BMPR2: variants seen among roughly 807,000 people sequenced by gnomAD.
The protein encoded by BMPR2 is bone morphogenetic protein receptor type-2.
A neutral mutation model predicts 100.8 loss-of-function variants in BMPR2; 29 were observed. The ratio of observed to expected loss-of-function variants is 0.29; its 90% CI spans 0.21 to 0.39. The LOEUF (loss-of-function observed/expected upper bound fraction) is 0.39. Ranked by LOEUF, BMPR2 falls within the 10% of genes least tolerant of loss-of-function variation. The probability of loss-of-function intolerance (pLI) is 1.00; values close to 1 mark genes in which losing one functional copy is unlikely to be tolerated. For synonymous variants in BMPR2, 382 were observed against 442.3 expected, an observed-to-expected ratio of 0.86 and a Z score of 1.71; for missense variants, 1,011 against 1,274.5, an observed-to-expected ratio of 0.79 and a Z score of 3.15.
At chr2:202,383,766 A>G (rs1690354383) in intron 1 of BMPR2, among the ~76,000 whole-genome samples, 1 of 150,944 alleles carries the variant, frequency 6.6e-6, no homozygotes, top group South Asian at 2.1e-4. Context: ...TAGGAGAATC[A>G]CTTGAACCTG....
chr2:202,386,476 A>G (rs1690428682), intron 1 of BMPR2, among the ~76,000 whole-genome samples: 1 of 151,934 alleles, frequency 6.6e-6, no homozygotes, highest in South Asian at 2.1e-4. Context: ...TTCTTATCCA[A>G]TCTGATAGCA....
At chr2:202,477,964 A>G (rs1692584321) in intron 3 of BMPR2, among the ~76,000 whole-genome samples, 1 of 152,036 alleles carries the variant, frequency 6.6e-6, no homozygotes, top group South Asian at 2.1e-4. Context: ...GCTAAAATGT[A>G]TTTGTAACCC....
At chr2:202,389,307 C>G (rs947143200) in intron 1 of BMPR2, among the ~76,000 whole-genome samples, 47 of 152,014 alleles carry the variant, frequency 3.1e-4, no homozygotes, top group African/African-American at 8.0e-4. Flanking sequence ...GCGGGCAGAT[C>G]ATGAGGTCAG....
At chr2:202,554,695 G>C (rs1688532588) in intron 11 of BMPR2, among the ~76,000 whole-genome samples, 1 of 152,138 alleles carries the variant, frequency 6.6e-6, no homozygotes, top group African/African-American at 2.4e-5. Context: ...GACTTTTACT[G>C]ATATGACTCA....
Position 202,518,712 on chromosome 2 carries a change from G to A in BMPR2, c.622-110G>A, listed in dbSNP as rs973259142. The A allele has an allele frequency of 3.8e-5, 35 of 921,584 alleles. No individual in the cohort carries two copies. In the Admixed American group the frequency reaches 6.6e-4, roughly 17 times the overall value. 57.1% of individuals were successfully genotyped at this position (921,584 alleles called of 1,614,324 possible). On this transcript the variant is annotated intron_variant, in intron 5 of 12. Coordinates refer to ENST00000374580, the MANE Select transcript of BMPR2 (RefSeq NM_001204.7). ...TAATTTCTTGATAATGGAATAAACT[G>A]TAAGCAACAGAGAGCTGTAGCATTC...
At chr2:202,552,999 A>G in intron 11 of BMPR2, 111 bp downstream of exon 11, 1 of 1,314,484 alleles carries the variant, frequency 7.6e-7, no homozygotes. Flanking sequence ...TGATTACCTC[A>G]TACAATCTAA....
At chr2:202,416,297 C>G (rs1403351632) in intron 1 of BMPR2, among the ~76,000 whole-genome samples, 4 of 151,068 alleles carry the variant, frequency 2.6e-5, no homozygotes, top group African/African-American at 4.9e-5. Context: ...GAAAGGGTCT[C>G]ACTCTTGCCC....
chr2:202,465,832 G>A (rs962252735), intron 2 of BMPR2, among the ~76,000 whole-genome samples: 5 of 151,612 alleles, frequency 3.3e-5, no homozygotes, highest in Non-Finnish European at 7.4e-5. Context: ...CAGCCTGGGC[G>A]ACAGAGCGAG....
intron 1 of BMPR2, among the ~76,000 whole-genome samples, chr2:202,401,719 T>C (rs1690772140): frequency 6.6e-6 from 1 of 152,194 alleles, no homozygotes; most frequent in Admixed American, 6.5e-5. Flanking sequence ...ACAAATATAG[T>C]GGACAAAAAT....
At chr2:202,546,961 G>C (rs573636901) in intron 10 of BMPR2, among the ~76,000 whole-genome samples, 1 of 150,828 alleles carries the variant, frequency 6.6e-6, no homozygotes, top group African/African-American at 2.5e-5. Flanking sequence ...TTTTTGTAGA[G>C]ACAGGGTAGT....
rs1341899027 is a variant in BMPR2 at position 202,555,485 on chromosome 2, GC to G, written c.1822del (p.Leu608SerfsTer19). ...CCCAGCCCTGAAACAAGTGTCACCA[GC>G]CTCTCCACCAACACAACAACCACAA... ...RIPSPETSVTSLSTNTTTTNT... is the reference protein window; with the variant it reads ...RIPSPETSVTXLSTNTTTTNT... On this transcript the variant is annotated frameshift_variant, in exon 12 of 13. Transcript: ENST00000374580. LOFTEE classifies it high-confidence loss of function. 1 of 1,613,976 alleles carries G rather than the reference GC, an allele frequency of 6.2e-7. No individual in the cohort carries two copies. The highest frequency in any genetic ancestry group is 8.5e-7 in the Non-Finnish European group (1 of 1,179,950).
At chr2:202,432,833 TAAATC>T (rs1347497376) in intron 1 of BMPR2, among the ~76,000 whole-genome samples, 5 of 150,606 alleles carry the variant, frequency 3.3e-5, no homozygotes, top group East Asian at 1.9e-4. Flanking sequence ...TAATTAAAAA[TAAATC>T]AAAGGCAGCA....
intron 3 of BMPR2, among the ~76,000 whole-genome samples, chr2:202,488,914 A>T (rs1271165132): frequency 6.6e-6 from 1 of 152,116 alleles, no homozygotes; most frequent in Non-Finnish European, 1.5e-5. Flanking sequence ...AACCCTTGGC[A>T]ATTACCATTC....
chr2:202,433,660 A>C (rs1691551630), intron 1 of BMPR2, among the ~76,000 whole-genome samples: 1 of 150,654 alleles, frequency 6.6e-6, no homozygotes, highest in Admixed American at 6.6e-5. Context: ...CTGTAATCCC[A>C]GCACTTTGGG....
intron 1 of BMPR2, among the ~76,000 whole-genome samples, chr2:202,399,340 TAGA>T (rs1690715070): frequency 6.6e-6 from 1 of 151,982 alleles, no homozygotes; most frequent in Non-Finnish European, 1.5e-5. Flanking sequence ...ACATTCCAGG[TAGA>T]AGAACAGAAA....
At chr2:202,497,023 G>A (rs916378808) in intron 3 of BMPR2, among the ~76,000 whole-genome samples, 5 of 152,242 alleles carry the variant, frequency 3.3e-5, no homozygotes, top group African/African-American at 1.2e-4. Flanking sequence ...CAGCCCTGCC[G>A]GCCCCAGGCA....
intron 1 of BMPR2, among the ~76,000 whole-genome samples, chr2:202,398,071 T>C (rs1042347523): frequency 3.3e-5 from 5 of 149,672 alleles, no homozygotes; most frequent in Non-Finnish European, 7.4e-5. Flanking sequence ...ATTGCACCAC[T>C]GCCCTCCACT....
chr2:202,533,283 G>T (rs1163825467), intron 9 of BMPR2, among the ~76,000 whole-genome samples: 1 of 151,896 alleles, frequency 6.6e-6, no homozygotes, highest in East Asian at 1.9e-4. Context: ...CAGGTGCGGT[G>T]GCTCATGCCT....
rs1161706163 is a variant in BMPR2, at chr2:202,495,087, CGT to C, written c.419-18627_419-18626del. On this transcript the variant is annotated intron_variant, in intron 3 of 12. Transcript: ENST00000374580. The surrounding 1 kb of genome is among the most constrained non-coding windows in gnomAD (Gnocchi z 4.5). ...TTACAGCTCCTGAATCCGCAGTGGGCGTGTGTTACAGGGTGCTCTTTTAGTTT... is the reference window on the plus strand; with the variant it reads ...TTACAGCTCCTGAATCCGCAGTGGGCGTGTTACAGGGTGCTCTTTTAGTTT... 6.6e-6 allele frequency among the ~76,000 whole-genome samples: 1 copy of C among 152,122 alleles called. No individual in the cohort carries two copies. Among genetic ancestry groups the C allele is most frequent in the African/African-American group, 2.4e-5 (1 of 41,412 alleles).
Sources: gnomAD v4.1 joint callset for allele counts (sites outside exome capture counted in the v4.1 genomes callset) on GRCh38, gnomAD v4.1.1 for gene constraint, Gnocchi (gnomAD v3.1) non-coding constraint, MANE v1.5 for transcripts, NCBI Gene and HGNC (gene_info 2026-07-23, HGNC 2026-07-21) for gene names.